Variants in FGGY observed in about 807,000 individuals in gnomAD.
The protein encoded by FGGY is FGGY carbohydrate kinase domain-containing protein.
A neutral mutation model predicts 71.3 loss-of-function variants in FGGY; 72 were observed. The ratio of observed to expected loss-of-function variants is 1.01; its 90% CI spans 0.84 to 1.23. The LOEUF is 1.23. FGGY is among the 50% of genes most tolerant of loss of function. FGGY has a pLI of 0.00. For missense variants in FGGY, 668 were observed against 682.3 expected, an observed-to-expected ratio of 0.98 and a Z score of 0.23; for synonymous variants, 251 against 250.3, an observed-to-expected ratio of 1.00 and a Z score of -0.02.
At chr1:59,695,415 A>C (rs1418718542) in intron 14 of FGGY, among the ~76,000 whole-genome samples, 1 of 152,186 alleles carries the variant, frequency 6.6e-6, no homozygotes, top group Non-Finnish European at 1.5e-5. Context: ...AGGAGCTTGC[A>C]ACACACTCGC....
At chr1:59,339,734 A>G (rs1385190727) in intron 2 of FGGY, among the ~76,000 whole-genome samples, 1 of 143,514 alleles carries the variant, frequency 7.0e-6, no homozygotes, top group Non-Finnish European at 1.5e-5. Context: ...AAGTGCTGGG[A>G]TTACAGGTGT....
At chr1:59,382,332 G>T (rs1185834774) in intron 5 of FGGY, among the ~76,000 whole-genome samples, 2 of 152,176 alleles carry the variant, frequency 1.3e-5, no homozygotes, top group African/African-American at 4.8e-5. Flanking sequence ...GAACATTTCA[G>T]AAGCATGTCA....
At chr1:59,697,003 C>T (rs1431060391) in intron 14 of FGGY, among the ~76,000 whole-genome samples, 1 of 151,242 alleles carries the variant, frequency 6.6e-6, no homozygotes, top group African/African-American at 2.4e-5. Flanking sequence ...AAAAAAAACC[C>T]TTTACCTCCA....
At position 59,727,675 on chromosome 1, in the gene FGGY, T is replaced by C. The variant is rs374969809; in HGVS notation, c.1513-30256T>C. On this transcript the variant is annotated intron_variant, in intron 14 of 15. Transcript: ENST00000303721. ...TCCTATCAAACTACCAAAATGATTT[T>C]TCACAGAATTAGAAAAGCCTATTCT... is the stretch of plus-strand genomic sequence containing the variant. Among the ~76,000 whole-genome samples, 4 of 152,204 alleles carry C rather than the reference T, an allele frequency of 2.6e-5. No homozygotes were observed. In the East Asian group the frequency reaches 5.8e-4, roughly 22 times the overall value.
intron 8 of FGGY, among the ~76,000 whole-genome samples, chr1:59,567,561 GTT>G (rs781416868): frequency 7.9e-5 from 12 of 151,888 alleles, no homozygotes; most frequent in Non-Finnish European, 1.8e-4. Flanking sequence ...CCTATCATCT[GTT>G]TGCATGATAA....
At chr1:59,552,505 G>A (rs368615595) in intron 7 of FGGY, among the ~76,000 whole-genome samples, 3 of 152,148 alleles carry the variant, frequency 2.0e-5, no homozygotes, top group South Asian at 2.1e-4. Context: ...GAAAACCCTC[G>A]AAAGCTGTAA....
intron 14 of FGGY, among the ~76,000 whole-genome samples, chr1:59,689,030 G>A (rs952921308): frequency 7.9e-5 from 12 of 152,172 alleles, no homozygotes; most frequent in Admixed American, 1.3e-4. Context: ...GATGATAGGC[G>A]TGAGCCACCT....
At chr1:59,621,175 C>T (rs2096802585) in intron 9 of FGGY, among the ~76,000 whole-genome samples, 1 of 151,930 alleles carries the variant, frequency 6.6e-6, no homozygotes, top group African/African-American at 2.4e-5. Flanking sequence ...GATTAAGGCC[C>T]CACTGTCATG....
chr1:59,688,810 C>A (rs952950400), intron 14 of FGGY, among the ~76,000 whole-genome samples: 1 of 150,766 alleles, frequency 6.6e-6, no homozygotes, highest in Admixed American at 6.6e-5. Flanking sequence ...AGTGCAGTGG[C>A]GCAATCTTGG....
intron 9 of FGGY, among the ~76,000 whole-genome samples, chr1:59,614,078 A>G (rs546127229): frequency 6.6e-6 from 1 of 152,340 alleles, no homozygotes; most frequent in Non-Finnish European, 1.5e-5. Flanking sequence ...TACAAGGAGG[A>G]ACTGGTACCA....
At chr1:59,461,792 TTTGTTTTTTA>T (rs200664365) in intron 6 of FGGY, among the ~76,000 whole-genome samples, 4,270 of 152,044 alleles carry the variant, frequency 0.028, 189 homozygotes, top group African/African-American at 0.098. Flanking sequence ...TTTGTTTTGT[TTTGTTTTTTA>T]TTTTATTGTA....
rs570870067 is a variant in FGGY at position 59,390,702 on chromosome 1, G to T, written c.554+11865G>T. 1.6e-3 allele frequency among the ~76,000 whole-genome samples: 242 copies of T among 152,120 alleles called. 1 individual carries two copies. Among genetic ancestry groups the T allele is most frequent in the Non-Finnish European group, 1.7e-3 (113 of 68,016 alleles). On this transcript the variant is annotated intron_variant, in intron 5 of 15. Transcript: ENST00000303721. ...GGGGTTTTCTTACTAAATAAAAAGGGAGAATTGATATGGGGTGGGTAAAAA... is the reference window on the plus strand; with the variant it reads ...GGGGTTTTCTTACTAAATAAAAAGGTAGAATTGATATGGGGTGGGTAAAAA...
At chr1:59,519,259 A>C (rs926390177) in intron 7 of FGGY, among the ~76,000 whole-genome samples, 3 of 152,238 alleles carry the variant, frequency 2.0e-5, no homozygotes, top group Non-Finnish European at 4.4e-5. Context: ...GTGAGCAAGT[A>C]ACAAATTTTG....
chr1:59,562,373 A>G (rs1436268573), intron 8 of FGGY, among the ~76,000 whole-genome samples: 1 of 152,238 alleles, frequency 6.6e-6, no homozygotes, highest in African/African-American at 2.4e-5. Context: ...GACAGAAGCC[A>G]TTAATTCTTC....
At position 59,321,520 on chromosome 1, in the gene FGGY, C is replaced by T. The variant is rs531370914; in HGVS notation, c.-14-16C>T. On this transcript the variant is annotated splice_polypyrimidine_tract_variant and intron_variant, in intron 1 of 15. Transcript: ENST00000303721. Reference sequence around the variant, plus strand: ...CCACTTGGTCTTCATATGGTTTTTACACTTGCTTACTATAGGTGGAGGAAC... The same window carrying T: ...CCACTTGGTCTTCATATGGTTTTTATACTTGCTTACTATAGGTGGAGGAAC... 8 of 1,609,086 alleles carry T rather than the reference C, an allele frequency of 5.0e-6. No individual in the cohort carries two copies. Among genetic ancestry groups the T allele is most frequent in the African/African-American group, 1.3e-5 (1 of 74,970 alleles).
chr1:59,606,150 A>AATG (rs1355582617), intron 8 of FGGY, among the ~76,000 whole-genome samples: 4 of 152,044 alleles, frequency 2.6e-5, no homozygotes, highest in Non-Finnish European at 5.9e-5. Context: ...TAATAATAAT[A>AATG]ATAAAATAAA....
intron 9 of FGGY, among the ~76,000 whole-genome samples, chr1:59,614,661 G>C (rs1399139090): frequency 6.6e-6 from 1 of 152,078 alleles, no homozygotes; most frequent in Non-Finnish European, 1.5e-5. Flanking sequence ...CAATCAGGCA[G>C]GAGAAGGAAA....
At chr1:59,732,360 C>T (rs968110258) in intron 14 of FGGY, among the ~76,000 whole-genome samples, 25 of 152,198 alleles carry the variant, frequency 1.6e-4, no homozygotes, top group African/African-American at 5.8e-4. Flanking sequence ...TTACCACCCC[C>T]CTTCCTATTT....
chr1:59,600,105 C>T (rs906054439), intron 8 of FGGY, among the ~76,000 whole-genome samples: 4 of 152,106 alleles, frequency 2.6e-5, no homozygotes, highest in Non-Finnish European at 5.9e-5. Context: ...GTCAGGGAAA[C>T]GAGTTTAATC....
Sources: gnomAD v4.1 joint callset for allele counts (sites outside exome capture counted in the v4.1 genomes callset) on GRCh38, gnomAD v4.1.1 for gene constraint, MANE v1.5 for transcripts, NCBI Gene and HGNC (gene_info 2026-07-23, HGNC 2026-07-21) for gene names.